CAMKMT: variants seen among roughly 807,000 people sequenced by gnomAD.
CAMKMT encodes CaM KMT.
Under a neutral mutation model 48.0 loss-of-function variants are expected in CAMKMT, and 53 were observed. That is an observed-to-expected ratio of 1.10 (90% confidence interval 0.89 to 1.39). The LOEUF (loss-of-function observed/expected upper bound fraction) is 1.39. Ranked by LOEUF, CAMKMT falls within the 40% of genes most tolerant of loss-of-function variation. CAMKMT has a pLI of 0.00. For missense variants in CAMKMT, 428 were observed against 402.7 expected, an observed-to-expected ratio of 1.06 and a Z score of -0.54; for synonymous variants, 165 against 152.3, an observed-to-expected ratio of 1.08 and a Z score of -0.61.
intron 3 of CAMKMT, among the ~76,000 whole-genome samples, chr2:44,644,446 T>C (rs1673624470): frequency 6.6e-6 from 1 of 152,254 alleles, no homozygotes; most frequent in Non-Finnish European, 1.5e-5. Context: ...TTTCAAGTTA[T>C]GCATTTAACC....
chr2:44,755,360 G>GT (rs1680327382), intron 9 of CAMKMT, among the ~76,000 whole-genome samples: 1 of 152,128 alleles, frequency 6.6e-6, no homozygotes, highest in East Asian at 1.9e-4. Flanking sequence ...GGAATTTTGG[G>GT]TTTCAGCATC....
intron 1 of CAMKMT, among the ~76,000 whole-genome samples, chr2:44,372,459 CCTGTCT>C: frequency 7.8e-6 from 1 of 127,496 alleles, no homozygotes; most frequent in Non-Finnish European, 1.8e-5. Context: ...AAAGTAAGAT[CCTGTCT>C]CAAAAAAAAA....
At chr2:44,530,298 A>T (rs764216) in intron 3 of CAMKMT, among the ~76,000 whole-genome samples, 1,812 of 152,358 alleles carry the variant, frequency 0.012, 45 homozygotes, top group African/African-American at 0.042. Flanking sequence ...CATATCAATA[A>T]CAAGTGTGAT....
At chr2:44,570,984 A>G (rs1668870586) in intron 3 of CAMKMT, among the ~76,000 whole-genome samples, 1 of 151,994 alleles carries the variant, frequency 6.6e-6, no homozygotes, top group African/African-American at 2.4e-5. Context: ...AGTAAAAAGG[A>G]AAACCCAAAC....
At chr2:44,473,341 G>A (rs549576515) in intron 3 of CAMKMT, among the ~76,000 whole-genome samples, 198 of 152,228 alleles carry the variant, frequency 1.3e-3, no homozygotes, top group Non-Finnish European at 2.4e-3. Flanking sequence ...AACAATCTAT[G>A]TTTTAAAAAT....
At chr2:44,406,679 C>T (rs370090964) in intron 3 of CAMKMT, among the ~76,000 whole-genome samples, 1 of 152,170 alleles carries the variant, frequency 6.6e-6, no homozygotes. Context: ...CTACTGCATC[C>T]GCAACTTCCT....
intron 3 of CAMKMT, among the ~76,000 whole-genome samples, chr2:44,499,916 G>A (rs553782891): frequency 1.4e-5 from 2 of 148,008 alleles, no homozygotes; most frequent in Non-Finnish European, 3.0e-5. Flanking sequence ...TATACCTTGG[G>A]TTGAATTGAA....
intron 3 of CAMKMT, among the ~76,000 whole-genome samples, chr2:44,409,127 A>G (rs1350172768): frequency 2.5e-4 from 1 of 3,938 alleles, no homozygotes. Context: ...ATATATATAT[A>G]TATATATATA....
At chr2:44,397,553 C>T (rs74668437) in intron 3 of CAMKMT, among the ~76,000 whole-genome samples, 3,453 of 152,232 alleles carry the variant, frequency 0.023, 150 homozygotes, top group African/African-American at 0.079. Flanking sequence ...CTTCTTAGCT[C>T]CACAGTTGTC....
intron 3 of CAMKMT, among the ~76,000 whole-genome samples, chr2:44,429,259 ATG>A (rs374003166): frequency 1.4e-4 from 19 of 131,754 alleles, no homozygotes; most frequent in Admixed American, 4.3e-4. Context: ...TTTTATATAT[ATG>A]TGTGTGTGTG....
At chr2:44,729,001 T>C (rs907770178) in intron 7 of CAMKMT, among the ~76,000 whole-genome samples, 6 of 151,568 alleles carry the variant, frequency 4.0e-5, no homozygotes, top group African/African-American at 1.5e-4. Flanking sequence ...TATTTCACAA[T>C]ACAACATGTC....
intron 8 of CAMKMT, among the ~76,000 whole-genome samples, chr2:44,745,345 G>T (rs765499656): frequency 6.6e-6 from 1 of 152,112 alleles, no homozygotes; most frequent in Non-Finnish European, 1.5e-5. Flanking sequence ...TTGTACCAGA[G>T]GGAAAAGCAG....
At chr2:44,541,489 A>G (rs989781046) in intron 3 of CAMKMT, among the ~76,000 whole-genome samples, 60 of 152,184 alleles carry the variant, frequency 3.9e-4, no homozygotes, top group Non-Finnish European at 1.3e-4. Flanking sequence ...ATGTATGTAC[A>G]GTATTTGAAG....
Position 44,410,231 on chromosome 2 carries a change from G to GTATATATATATAGTCTATAGACTATATA in CAMKMT, c.376+19938_376+19939insGTCTATAGACTATATATATATATATATA, listed in dbSNP as rs1558589089. 1.5e-3 allele frequency among the ~76,000 whole-genome samples: 30 copies of GTATATATATATAGTCTATAGACTATATA among 20,438 alleles called. 8 individuals are homozygous for GTATATATATATAGTCTATAGACTATATA. The highest frequency in any genetic ancestry group is 2.8e-3 in the African/African-American group (15 of 5,450). The allele number at this position is 20,438 out of a possible 152,430, so 13.4% of individuals were successfully genotyped here. On this transcript the variant is annotated intron_variant, in intron 3 of 10. Transcript: ENST00000378494. Reference sequence around the variant, plus strand: ...AACTTAAGTAATTAGTCAGGTATCAGTATATATATATATATATTTTTTTTT... The same window carrying GTATATATATATAGTCTATAGACTATATA: ...AACTTAAGTAATTAGTCAGGTATCAGTATATATATATAGTCTATAGACTATATATATATATATATATATATTTTTTTTT...
At chr2:44,643,301 A>C (rs779582857) in intron 3 of CAMKMT, among the ~76,000 whole-genome samples, 5 of 152,246 alleles carry the variant, frequency 3.3e-5, no homozygotes, top group Non-Finnish European at 5.9e-5. Context: ...AGGGAACTCA[A>C]ATTAATTTAT....
At chr2:44,416,584 T>G (rs1683568409) in intron 3 of CAMKMT, among the ~76,000 whole-genome samples, 1 of 145,460 alleles carries the variant, frequency 6.9e-6, no homozygotes, top group African/African-American at 2.6e-5. Context: ...TTTTTTTTTT[T>G]TTTTTTTGAG....
chr2:44,365,552 A>G (rs1214587794), intron 1 of CAMKMT, among the ~76,000 whole-genome samples: 1 of 152,234 alleles, frequency 6.6e-6, no homozygotes, highest in African/African-American at 2.4e-5. Flanking sequence ...TTTCATATCC[A>G]TCCAGCTAGT....
intron 3 of CAMKMT, among the ~76,000 whole-genome samples, chr2:44,481,548 T>C (rs1668965389): frequency 6.6e-6 from 1 of 152,072 alleles, no homozygotes; most frequent in Non-Finnish European, 1.5e-5. Flanking sequence ...TTAATTTCAG[T>C]TTATATTATT....
chr2:44,693,877 T>C (rs1361732520), intron 3 of CAMKMT, among the ~76,000 whole-genome samples: 1 of 152,216 alleles, frequency 6.6e-6, no homozygotes, highest in Non-Finnish European at 1.5e-5. Context: ...CACTTGAGTC[T>C]CAGATTTGAG....
Sources: gnomAD v4.1 joint callset for allele counts (sites outside exome capture counted in the v4.1 genomes callset) on GRCh38, gnomAD v4.1.1 for gene constraint, MANE v1.5 for transcripts, NCBI Gene and HGNC (gene_info 2026-07-23, HGNC 2026-07-21) for gene names.